Variants in A2ML1 observed in about 807,000 individuals in gnomAD.
A2ML1 encodes the protein alpha-2-macroglobulin-like protein 1.
A neutral mutation model predicts 181.9 loss-of-function variants in A2ML1; 161 were observed. The observed-to-expected ratio is 0.89, with a 90% confidence interval of 0.78 to 1.01. The LOEUF (loss-of-function observed/expected upper bound fraction) is 1.01, where lower values mean the gene tolerates loss of function less well. Among genes scored for constraint, A2ML1 ranks in the 50% least tolerant of loss-of-function variants. The pLI is 0.00. For synonymous variants in A2ML1, 663 were observed against 666.8 expected, an observed-to-expected ratio of 0.99 and a Z score of 0.09; for missense variants, 1,670 against 1,768.1, an observed-to-expected ratio of 0.94 and a Z score of 1.00.
intron 23 of A2ML1, 59 bp from the exon 24 acceptor site, chr12:8,857,105 T>A: frequency 6.6e-7 from 1 of 1,520,484 alleles, no homozygotes; most frequent in Non-Finnish European, 9.0e-7. Flanking sequence ...TGATGATAAC[T>A]CTTAGAGGGT....
chr12:8,827,673 T>C (rs756627229), intron 3 of A2ML1, among the ~76,000 whole-genome samples: 14 of 152,332 alleles, frequency 9.2e-5, no homozygotes, highest in African/African-American at 3.1e-4. Context: ...CATTGGTGTC[T>C]GGGCATTGAA....
chr12:8,835,929 C>T (rs1273579573), intron 6 of A2ML1, among the ~76,000 whole-genome samples: 1 of 145,972 alleles, frequency 6.9e-6, no homozygotes. Context: ...AGGAGAATGG[C>T]GTGAACCTGG....
intron 5 of A2ML1, 46 bp from the exon 6 acceptor site, chr12:8,835,461 G>A (rs946938617): frequency 3.1e-6 from 5 of 1,609,516 alleles, no homozygotes; most frequent in Non-Finnish European, 4.2e-6. Flanking sequence ...AATGCAGAGT[G>A]GGAAGCAAAC....
chr12:8,863,845 C>T lies in A2ML1; in HGVS notation c.3554C>T (p.Pro1185Leu), dbSNP rs942636799. 1 of 1,614,100 alleles carries T rather than the reference C, an allele frequency of 6.2e-7. No individual in the cohort carries two copies. The highest frequency in any genetic ancestry group is 1.3e-5 in the African/African-American group (1 of 74,944). The change falls in exon 29 of 36, where the codon CCT (proline) becomes CTT (leucine). Residue 1185 changes from proline (P) to leucine (L), a missense_variant. Coordinates refer to ENST00000299698, the MANE Select transcript of A2ML1 (RefSeq NM_144670.6). ...QKPTPSSNAS[P>L]WSEPAAVDVE... is the part of the protein sequence containing the mutation. The stretch of plus-strand genomic sequence containing the variant: ...CCTACTCCATCATCGAACGCCAGCC[C>T]TTGGTCTGAGCCTGCGGCTGTAGAT...
Position 8,838,375 on chromosome 12 carries a change from G to A in A2ML1, c.895G>A (p.Ala299Thr). 6.2e-7 allele frequency: 1 copy of A among 1,613,568 alleles called. No individual in the cohort carries two copies. Residue 299 changes from alanine (A) to threonine (T), a missense_variant, in exon 9 of 36, where the codon GCC becomes ACC. Physicochemically the swap from Ala to Thr is moderately conservative, Grantham distance 58. Coordinates refer to ENST00000299698, the MANE Select transcript of A2ML1 (RefSeq NM_144670.6). ...TGCFSAPVDM[A>T]TFDLIGYAYS... Reference sequence around the variant, plus strand: ...ATGTTTCTCAGCACCTGTGGACATGGCCACCTTTGACCTCATTGGATATGC... The same window carrying A: ...ATGTTTCTCAGCACCTGTGGACATGACCACCTTTGACCTCATTGGATATGC...
chr12:8,870,778 G>T (rs1413683964), intron 33 of A2ML1, among the ~76,000 whole-genome samples: 2 of 152,158 alleles, frequency 1.3e-5, no homozygotes, highest in East Asian at 3.8e-4. Context: ...AGTGTCTAGG[G>T]TGGGAGCAGA....
intron 10 of A2ML1, among the ~76,000 whole-genome samples, chr12:8,840,648 G>A (rs1371832432): frequency 6.6e-6 from 1 of 152,072 alleles, no homozygotes; most frequent in Non-Finnish European, 1.5e-5. Flanking sequence ...AATGGCTCAT[G>A]CCTGTAATCT....
In A2ML1 at chr12:8,845,772, C is replaced by T. The variant is rs1032636691; in HGVS notation, c.1537+270C>T. Reference sequence around the variant, plus strand: ...GGCTGAGGCAGGAGAATGGCGTGAACCCGGGAGGCGGAGCTTGCAGTGAGC... The same window carrying T: ...GGCTGAGGCAGGAGAATGGCGTGAATCCGGGAGGCGGAGCTTGCAGTGAGC... On this transcript the variant is annotated intron_variant, in intron 13 of 35. Transcript: ENST00000299698. 1.5e-4 allele frequency among the ~76,000 whole-genome samples: 22 copies of T among 151,686 alleles called. No individual in the cohort carries two copies. In the East Asian group the frequency reaches 4.1e-3, roughly 28 times the overall value.
At chr12:8,830,869 G>A (rs1943089051) in intron 4 of A2ML1, 1 of 151,584 alleles carries the variant, frequency 6.6e-6, no homozygotes. Flanking sequence ...TCCCAATATA[G>A]ATTTCCTTTT....
chr12:8,878,744 G>A (rs966880798), downstream of A2ML1, among the ~76,000 whole-genome samples: 7 of 152,082 alleles, frequency 4.6e-5, no homozygotes, highest in East Asian at 1.9e-4. This position sits in a 1 kb window ranked among gnomAD's most constrained non-coding sequence, Gnocchi z 4.4. Context: ...TGGGTGGATC[G>A]CTTGAGCTCT....
At chr12:8,885,075 G>T (rs887465405) in intron 7 of A2ML1, among the ~76,000 whole-genome samples, 2 of 151,804 alleles carry the variant, frequency 1.3e-5, no homozygotes, top group African/African-American at 2.4e-5. Flanking sequence ...TTCTTTATAT[G>T]TCTAGATCAG....
Position 8,852,362 on chromosome 12 carries a change from C to T in A2ML1, c.2590+26C>T, listed in dbSNP as rs769158718. On this transcript the variant is annotated intron_variant, in intron 20 of 35. Coordinates refer to ENST00000299698, the MANE Select transcript of A2ML1 (RefSeq NM_144670.6). The surrounding 1 kb of genome is among the most constrained non-coding windows in gnomAD (Gnocchi z 4.2). The stretch of plus-strand genomic sequence containing the variant: ...GTAAGAGAGGGAAGTGGTAGACGGG[C>T]GAGGAAAGCCAGCAGCAGAAGACCA... 2.2e-5 allele frequency: 36 copies of T among 1,612,998 alleles called. No homozygotes were observed. Among genetic ancestry groups the T allele is most frequent in the South Asian group, 2.0e-4 (18 of 90,948 alleles).
intron 4 of A2ML1, among the ~76,000 whole-genome samples, chr12:8,831,756 T>C (rs1943119309): frequency 6.7e-6 from 1 of 150,308 alleles, no homozygotes; most frequent in Non-Finnish European, 1.5e-5. Context: ...TTTTTGTTTT[T>C]GTTTTTTTTT....
At chr12:8,855,757 C>T (rs1944043716) in intron 23 of A2ML1, among the ~76,000 whole-genome samples, 165 bp downstream of exon 23, 1 of 152,068 alleles carries the variant, frequency 6.6e-6, no homozygotes, top group Non-Finnish European at 1.5e-5. Flanking sequence ...GTGTAGGCAA[C>T]AGTACAGATG....
chr12:8,843,432 G>C, intron 12 of A2ML1, 71 bp downstream of exon 12: 1 of 1,449,566 alleles, frequency 6.9e-7, no homozygotes, highest in East Asian at 2.4e-5. Context: ...TCAGCCAGAG[G>C]GTGCACCTAG....
intron 3 of A2ML1, among the ~76,000 whole-genome samples, chr12:8,827,791 T>C (rs897967205): frequency 1.3e-5 from 2 of 152,172 alleles, no homozygotes; most frequent in African/African-American, 4.8e-5. Flanking sequence ...AATCTAAGTG[T>C]TTGGACTCTG....
chr12:8,855,182 T>G (rs1486910406), intron 22 of A2ML1, among the ~76,000 whole-genome samples: 5 of 152,110 alleles, frequency 3.3e-5, no homozygotes, highest in African/African-American at 2.4e-5. Context: ...CGTGAGCCAC[T>G]GCACCCGGCA....
rs1592103104 is a variant in A2ML1, at chr12:8,829,632, G to C, written c.410-95G>C. ...GTTGTGCCACTGCACTCCAACCTGGGTGACAGAGTGAGACCCTGTATCAAA... is the reference window on the plus strand; with the variant it reads ...GTTGTGCCACTGCACTCCAACCTGGCTGACAGAGTGAGACCCTGTATCAAA... On this transcript the variant is annotated intron_variant, in intron 3 of 35. Transcript: ENST00000299698. 7 of 1,258,412 alleles carry C rather than the reference G, an allele frequency of 5.6e-6. No individual in the cohort carries two copies. The East Asian group carries it at 1.6e-4, about 29-fold the overall frequency. 78.0% of individuals were successfully genotyped at this position (1,258,412 alleles called of 1,614,324 possible).
chr12:8,887,150 A>C (rs1486371716), downstream of A2ML1: 1 of 138,796 alleles, frequency 7.2e-6, no homozygotes, highest in Non-Finnish European at 1.6e-5. Context: ...ACCCTGTCTC[A>C]AACAAAACAA....
Sources: allele counts gnomAD v4.1 joint callset (sites outside exome capture counted in the v4.1 genomes callset), GRCh38; gene constraint gnomAD v4.1.1; non-coding constraint Gnocchi (gnomAD v3.1); transcripts MANE v1.5; gene names NCBI Gene and HGNC (gene_info 2026-07-23, HGNC 2026-07-21).